Variants in BIN1 observed in about 807,000 individuals in gnomAD.
BIN1 encodes bridging integrator 1.
In BIN1, 53 loss-of-function variants were observed where a neutral mutation model predicts 82.0. The observed-to-expected ratio is 0.65, with a 90% CI of 0.52 to 0.81. The LOEUF is 0.81. BIN1 is among the 40% of genes least tolerant of loss of function. BIN1 has a pLI of 0.00. For missense variants in BIN1, 642 were observed against 784.4 expected, an observed-to-expected ratio of 0.82 and a Z score of 2.17; for synonymous variants, 302 against 328.0, an observed-to-expected ratio of 0.92 and a Z score of 0.86.
rs1422299143 is a variant in BIN1 at position 127,062,192 on chromosome 2, G to A, written c.780C>T (p.Asn260=). The change falls in exon 10 of 19, where the codon AAC becomes AAT. Residue 260 remains asparagine, a synonymous_variant. Coordinates refer to ENST00000316724, the MANE Select transcript of BIN1 (RefSeq NM_139343.3). ...ENFHKEMSKL[N]QNLNDVLVGL... The stretch of plus-strand genomic sequence containing the variant: ...CGACCAGCACATCATTGAGGTTCTG[G>A]TTGAGCTGCAGGAGAGACAGTGAGG... 1 of 1,602,038 alleles carries A rather than the reference G, an allele frequency of 6.2e-7. No homozygotes were observed. The highest frequency in any genetic ancestry group is 8.5e-7 in the Non-Finnish European group (1 of 1,174,158).
intron 1 of BIN1, among the ~76,000 whole-genome samples, chr2:127,095,545 C>G (rs1487033586): frequency 6.6e-6 from 1 of 152,212 alleles, no homozygotes; most frequent in Non-Finnish European, 1.5e-5. Flanking sequence ...AGGCAGCCCC[C>G]ACACTGATTT....
chr2:127,060,064 A>G (rs1283054744), intron 10 of BIN1, among the ~76,000 whole-genome samples: 1 of 152,178 alleles, frequency 6.6e-6, no homozygotes, highest in Non-Finnish European at 1.5e-5. Context: ...TGTGCTGGAC[A>G]GTGCAGATCT....
chr2:127,063,917 C>T lies in BIN1; in HGVS notation c.698+16G>A, dbSNP rs1684833009. 1 of 1,612,960 alleles carries T rather than the reference C, an allele frequency of 6.2e-7. No individual in the cohort carries two copies. Among genetic ancestry groups the T allele is most frequent in the Middle Eastern group, 1.6e-4 (1 of 6,082 alleles). Reference sequence around the variant, plus strand: ...GACACTGCCCCACGCAGGCTGGGCACCGTGCTGGGCCTCACCTGTTCCACA... The same window carrying T: ...GACACTGCCCCACGCAGGCTGGGCATCGTGCTGGGCCTCACCTGTTCCACA... On this transcript the variant is annotated intron_variant, in intron 8 of 18. Coordinates refer to ENST00000316724, the MANE Select transcript of BIN1 (RefSeq NM_139343.3).
chr2:127,054,376 C>G (rs1573552524), intron 12 of BIN1: 1 of 336,868 alleles, frequency 3.0e-6, no homozygotes, highest in Non-Finnish European at 5.7e-6. Flanking sequence ...GACTGGTGGG[C>G]CCCTCCCCAC....
At position 127,076,606 on chromosome 2, in the gene BIN1, C is replaced by T. The variant is rs767319026; in HGVS notation, c.165+20G>A. The T allele has an allele frequency of 1.2e-5, 19 of 1,614,048 alleles. No homozygotes were observed. In the East Asian group the frequency reaches 2.9e-4, roughly 25 times the overall value. ...CGAATTTTCACAAACTCCCTAAGGC[C>T]AAGGGCCACCCACACTCACCAGCTG... On this transcript the variant is annotated intron_variant, in intron 2 of 18. Coordinates refer to ENST00000316724, the MANE Select transcript of BIN1 (RefSeq NM_139343.3).
Position 127,053,995 on chromosome 2 carries a change from AGGCCCCGGGGCCTC to A in BIN1, c.1135_1148del (p.Glu379PhefsTer13), listed in dbSNP as rs1683305230. On this transcript the variant is annotated frameshift_variant, in exon 13 of 19. Coordinates refer to ENST00000316724, the MANE Select transcript of BIN1 (RefSeq NM_139343.3). LOFTEE classifies it high-confidence loss of function. ...CCAGCAGACTGGCCTGCTCCGAGAAAGGCCCCGGGGCCTCAAACTTGGCAGCAGCAGCAGCAGCA... is the reference window on the plus strand; with the variant it reads ...CCAGCAGACTGGCCTGCTCCGAGAAAAAACTTGGCAGCAGCAGCAGCAGCA... 2 of 1,551,406 alleles carry A rather than the reference AGGCCCCGGGGCCTC, an allele frequency of 1.3e-6. No homozygotes were observed. Among genetic ancestry groups the A allele is most frequent in the Non-Finnish European group, 8.7e-7 (1 of 1,146,944 alleles).
In BIN1 at chr2:127,053,922, G is replaced by T; in HGVS notation, c.1222C>A (p.Pro408Thr). Residue 408 changes from proline to threonine, a missense_variant, in exon 13 of 19, where the codon CCC (proline) becomes ACC (threonine). By Grantham distance (38) the Pro-to-Thr change is conservative. Coordinates refer to ENST00000316724, the MANE Select transcript of BIN1 (RefSeq NM_139343.3). ...CAACCAACCTGACCAGAGGGCGTGG[G>T]TGCCTTCACAGGGCTCGTCACGGGC... ...LPPVTSPVKAPTPSGQSIPWD... is the reference protein window; with the variant it reads ...LPPVTSPVKATTPSGQSIPWD... 2 of 1,551,378 alleles carry T rather than the reference G, an allele frequency of 1.3e-6. No homozygotes were observed. Among genetic ancestry groups the T allele is most frequent in the Non-Finnish European group, 1.7e-6 (2 of 1,146,994 alleles).
At chr2:127,058,948 A>G (rs1684067167) in intron 11 of BIN1, 63 bp downstream of exon 11, 2 of 1,545,844 alleles carry the variant, frequency 1.3e-6, no homozygotes, top group Non-Finnish European at 1.7e-6. Context: ...GATGGAGGAC[A>G]ACAGCAAAGC....
intron 1 of BIN1, among the ~76,000 whole-genome samples, chr2:127,098,550 C>T (rs1452897772): frequency 6.6e-6 from 1 of 152,074 alleles, no homozygotes; most frequent in Non-Finnish European, 1.5e-5. Flanking sequence ...GGCCCAACCA[C>T]CCCACCCCCA....
chr2:127,053,587 C>A lies in BIN1; in HGVS notation c.1240-142G>T. ...CAGGAGTGGCTCGGAGCCAGGTAGA[C>A]TCCAAGATTTGCAGGTGGCCGAGCT... is the stretch of plus-strand genomic sequence containing the variant. On this transcript the variant is annotated intron_variant, in intron 13 of 18. Transcript: ENST00000316724. 4.4e-6 allele frequency: 5 copies of A among 1,148,222 alleles called. No individual in the cohort carries two copies. The South Asian group carries it at 6.6e-5, about 15-fold the overall frequency. The allele number at this position is 1,148,222 out of a possible 1,614,324, so 71.1% of individuals were successfully genotyped here.
At chr2:127,065,114 C>T (rs1361001826) in intron 7 of BIN1, among the ~76,000 whole-genome samples, 1 of 152,226 alleles carries the variant, frequency 6.6e-6, no homozygotes, top group Admixed American at 6.5e-5. Context: ...CAAGCCCAGC[C>T]AGCTGTCCCA....
chr2:127,084,380 T>G (rs903904024), intron 1 of BIN1, among the ~76,000 whole-genome samples: 1 of 152,250 alleles, frequency 6.6e-6, no homozygotes, highest in African/African-American at 2.4e-5. Flanking sequence ...GTGATTCATT[T>G]TGATGCTCAA....
chr2:127,073,025 T>TC (rs1164346877), intron 2 of BIN1, among the ~76,000 whole-genome samples: 17 of 151,772 alleles, frequency 1.1e-4, no homozygotes, highest in African/African-American at 2.7e-4. Flanking sequence ...CGTCCCCACC[T>TC]CCCCCCCACA....
intron 1 of BIN1, among the ~76,000 whole-genome samples, chr2:127,098,022 G>A (rs747353112): frequency 6.6e-6 from 1 of 152,182 alleles, no homozygotes; most frequent in Non-Finnish European, 1.5e-5. Context: ...CCACAGTCCT[G>A]GGATGAGTGC....
intron 16 of BIN1, 74 bp from the exon 17 acceptor site, chr2:127,050,986 G>T (rs920972662): frequency 1.3e-6 from 2 of 1,531,100 alleles, no homozygotes; most frequent in South Asian, 2.2e-5. Flanking sequence ...GGAGAAGAGG[G>T]GCGGGGAGGG....
rs542470068 is a variant in BIN1, at chr2:127,084,943, C to A, written c.85-8237G>T. Among the ~76,000 whole-genome samples, 4 of 152,204 alleles carry A rather than the reference C, an allele frequency of 2.6e-5. No homozygotes were observed. In the South Asian group the frequency reaches 8.3e-4, roughly 31 times the overall value. ...CTTCCTCCTCAGAACCCAGTGAAGT[C>A]ACACGTACAGAGGCGTCTTCAGAGC... is the stretch of plus-strand genomic sequence containing the variant. On this transcript the variant is annotated intron_variant, in intron 1 of 18. Transcript: ENST00000316724.
chr2:127,087,687 T>G (rs1678362716), intron 1 of BIN1, among the ~76,000 whole-genome samples: 1 of 152,254 alleles, frequency 6.6e-6, no homozygotes, highest in Middle Eastern at 3.4e-3. Context: ...CTCCAAATCC[T>G]GGCAGGGGAG....
At position 127,059,169 on chromosome 2, in the gene BIN1, C is replaced by A. The variant is rs1262302079; in HGVS notation, c.858-14G>T. On this transcript the variant is annotated splice_polypyrimidine_tract_variant and intron_variant, in intron 10 of 18. Transcript: ENST00000316724. The surrounding 1 kb of genome is among the most constrained non-coding windows in gnomAD (Gnocchi z 6.7). ...GGCGCGTTGTCACTGTGGGGGAGGA[C>A]AAGAAAGGGAGCCCAGTGTTGGGGG... is the stretch of plus-strand genomic sequence containing the variant. 4.5e-6 allele frequency: 7 copies of A among 1,563,684 alleles called. No homozygotes were observed. The highest frequency in any genetic ancestry group is 1.4e-5 in the African/African-American group (1 of 73,564).
chr2:127,103,739 A>G (rs1331768478), intron 1 of BIN1, among the ~76,000 whole-genome samples: 6 of 151,964 alleles, frequency 3.9e-5, no homozygotes, highest in African/African-American at 1.5e-4. Flanking sequence ...GCCAACCTCT[A>G]ATCCTCCCCG....
Sources: gnomAD v4.1 joint callset for allele counts (sites outside exome capture counted in the v4.1 genomes callset) on GRCh38, gnomAD v4.1.1 for gene constraint, Gnocchi (gnomAD v3.1) non-coding constraint, MANE v1.5 for transcripts, NCBI Gene and HGNC (gene_info 2026-07-23, HGNC 2026-07-21) for gene names.